PCDH15: variants seen among roughly 807,000 people sequenced by gnomAD.
The protein encoded by PCDH15 is protocadherin related 15.
In PCDH15, 129 loss-of-function variants were observed where a neutral mutation model predicts 178.5. The ratio of observed to expected loss-of-function variants is 0.72; its 90% CI spans 0.63 to 0.84. The LOEUF is 0.84. Ranked by LOEUF, PCDH15 falls within the 40% of genes least tolerant of loss-of-function variation. The probability of loss-of-function intolerance (pLI) is 0.00; values close to 1 mark genes in which losing one functional copy is unlikely to be tolerated. For missense variants in PCDH15, 2,230 were observed against 2,099.9 expected (o/e 1.06, Z -1.21); for synonymous variants, 800 against 732.0 (o/e 1.09, Z -1.50).
chr10:55,152,585 T>C (rs972965464), intron 2 of PCDH15, among the ~76,000 whole-genome samples: 1 of 152,136 alleles, frequency 6.6e-6, no homozygotes, highest in Non-Finnish European at 1.5e-5. Context: ...TCCTGCTAGA[T>C]GACACAGGTC....
intron 13 of PCDH15, among the ~76,000 whole-genome samples, chr10:54,158,031 G>A (rs1023497121): frequency 6.6e-6 from 1 of 152,172 alleles, no homozygotes; most frequent in East Asian, 1.9e-4. Context: ...CATTTGACAA[G>A]TCTCTAGGAA....
intron 3 of PCDH15, among the ~76,000 whole-genome samples, chr10:54,495,623 C>T (rs201882532): frequency 2.6e-5 from 4 of 152,048 alleles, no homozygotes; most frequent in African/African-American, 9.7e-5. Context: ...AGAGAAAGGA[C>T]AAATGGGGAG....
intron 28 of PCDH15, among the ~76,000 whole-genome samples, chr10:53,842,933 A>G (rs573258500): frequency 1.3e-5 from 2 of 152,298 alleles, no homozygotes; most frequent in East Asian, 3.9e-4. Flanking sequence ...AATCCTTCAT[A>G]TAAGCATAGA....
chr10:54,491,431 A>C (rs2079584267), intron 3 of PCDH15, among the ~76,000 whole-genome samples: 1 of 152,148 alleles, frequency 6.6e-6, no homozygotes, highest in Non-Finnish European at 1.5e-5. Context: ...CAAGTATCTA[A>C]GTTCTTTCTT....
chr10:55,262,630 C>T (rs748591389), intron 1 of PCDH15, among the ~76,000 whole-genome samples: 4 of 152,112 alleles, frequency 2.6e-5, no homozygotes, highest in African/African-American at 2.4e-5. Flanking sequence ...AAGGAGAGCC[C>T]GGCCACTGAG....
intron 2 of PCDH15, among the ~76,000 whole-genome samples, chr10:54,578,776 G>A (rs1439874288): frequency 3.3e-5 from 5 of 152,016 alleles, no homozygotes; most frequent in Non-Finnish European, 5.9e-5. Context: ...ATATACAAAG[G>A]GAACCCAATC....
intron 5 of PCDH15, among the ~76,000 whole-genome samples, chr10:54,351,196 G>C (rs1944122854): frequency 1.3e-5 from 2 of 151,714 alleles, no homozygotes; most frequent in South Asian, 4.2e-4. Context: ...TGTGAACAAA[G>C]AGACCTACCT....
chr10:55,193,829 C>G (rs1451940085), intron 1 of PCDH15, among the ~76,000 whole-genome samples: 1 of 151,546 alleles, frequency 6.6e-6, no homozygotes, highest in African/African-American at 2.4e-5. Flanking sequence ...TATATATATC[C>G]CAGAGGTTAA....
chr10:54,770,903 G>T (rs1018214531), intron 1 of PCDH15, among the ~76,000 whole-genome samples: 5 of 152,010 alleles, frequency 3.3e-5, no homozygotes, highest in African/African-American at 1.2e-4. Flanking sequence ...CCTCCTGCAA[G>T]ATTTTAATGA....
At chr10:55,415,336 A>G (rs992778446) in intron 2 of PCDH15, among the ~76,000 whole-genome samples, 3 of 151,660 alleles carry the variant, frequency 2.0e-5, no homozygotes, top group African/African-American at 7.2e-5. Flanking sequence ...CTATCAGAGC[A>G]CTGCTAAAAT....
At chr10:54,289,793 A>G (rs893324369) in intron 8 of PCDH15, among the ~76,000 whole-genome samples, 2 of 152,244 alleles carry the variant, frequency 1.3e-5, no homozygotes, top group East Asian at 1.9e-4. Context: ...AAGAAAGGGT[A>G]TCAGTGATTG....
intron 2 of PCDH15, among the ~76,000 whole-genome samples, chr10:55,418,047 T>C (rs1231218244): frequency 6.6e-6 from 1 of 151,604 alleles, no homozygotes; most frequent in Non-Finnish European, 1.5e-5. Context: ...GGATTGAAGG[T>C]AGGAAAATTC....
chr10:54,034,884 T>A (rs1238027674), intron 18 of PCDH15, among the ~76,000 whole-genome samples: 2 of 151,918 alleles, frequency 1.3e-5, no homozygotes, highest in Non-Finnish European at 2.9e-5. Flanking sequence ...ATTAATTATA[T>A]ACACACATTT....
chr10:55,559,414 A>C (rs1031449378), intron 2 of PCDH15, among the ~76,000 whole-genome samples: 6 of 152,014 alleles, frequency 3.9e-5, no homozygotes, highest in African/African-American at 1.4e-4. Context: ...GACAATGATA[A>C]ACTATTTTCA....
intron 14 of PCDH15, among the ~76,000 whole-genome samples, chr10:54,133,484 G>A (rs2042620621): frequency 6.6e-6 from 1 of 152,104 alleles, no homozygotes; most frequent in African/African-American, 2.4e-5. Context: ...ATGGCTTAAT[G>A]TAAGTGCATG....
intron 13 of PCDH15, among the ~76,000 whole-genome samples, chr10:54,175,532 G>A (rs1000030262): frequency 6.6e-6 from 1 of 152,138 alleles, no homozygotes; most frequent in African/African-American, 2.4e-5. Context: ...TGCTAAGCAT[G>A]CATGTGATAG....
At chr10:54,413,792 T>C (rs1248433227) in intron 3 of PCDH15, among the ~76,000 whole-genome samples, 2 of 152,186 alleles carry the variant, frequency 1.3e-5, no homozygotes, top group Non-Finnish European at 2.9e-5. Flanking sequence ...CATGCGGTAT[T>C]AGACTTTCTG....
At chr10:54,667,251 T>C (rs923232891) in intron 1 of PCDH15, among the ~76,000 whole-genome samples, 3 of 152,024 alleles carry the variant, frequency 2.0e-5, no homozygotes, top group African/African-American at 7.2e-5. Context: ...GGGCTCAATA[T>C]TTACAGAGAC....
At chr10:55,163,414 T>A (rs1839112761) in intron 2 of PCDH15, among the ~76,000 whole-genome samples, 1 of 152,198 alleles carries the variant, frequency 6.6e-6, no homozygotes, top group South Asian at 2.1e-4. Context: ...AGCCTCAGAT[T>A]TATACATCAT....
Sources: allele counts gnomAD v4.1 joint callset (sites outside exome capture counted in the v4.1 genomes callset), GRCh38; gene constraint gnomAD v4.1.1; transcripts MANE v1.5; gene names NCBI Gene and HGNC (gene_info 2026-07-23, HGNC 2026-07-21).